The following NTNG1 variants were observed in gnomAD, a reference collection of about 807,000 sequenced individuals.
NTNG1 encodes the protein netrin G1.
Under a neutral mutation model 54.0 loss-of-function variants are expected in NTNG1, and 16 were observed. That is an observed-to-expected ratio of 0.30 (90% CI 0.20 to 0.45). The LOEUF (loss-of-function observed/expected upper bound fraction) is 0.45, where lower values mean the gene tolerates loss of function less well. NTNG1 is among the 20% of genes least tolerant of loss of function. The pLI is 1.00. For synonymous variants in NTNG1, 255 were observed against 263.1 expected (o/e 0.97, Z 0.30); for missense variants, 530 against 678.7 (o/e 0.78, Z 2.43).
At chr1:107,418,686 T>C (rs907561720) in intron 5 of NTNG1, 3 of 1,350,946 alleles carry the variant, frequency 2.2e-6, no homozygotes, top group Non-Finnish European at 3.1e-6. Context: ...AAATCCCACA[T>C]GTTTGGGGGA....
intron 3 of NTNG1, among the ~76,000 whole-genome samples, chr1:107,367,337 A>T (rs1670659056): frequency 6.6e-6 from 1 of 152,128 alleles, no homozygotes; most frequent in African/African-American, 2.4e-5. Context: ...GCAGATTTGA[A>T]ACTCCTCGAT....
chr1:107,405,879 A>C (rs1673385641), intron 4 of NTNG1, among the ~76,000 whole-genome samples: 1 of 152,138 alleles, frequency 6.6e-6, no homozygotes, highest in Non-Finnish European at 1.5e-5. Flanking sequence ...AAAAAAAATA[A>C]AGATTCAGTA....
chr1:107,245,340 C>T (rs1662125367), intron 2 of NTNG1, among the ~76,000 whole-genome samples: 4 of 152,164 alleles, frequency 2.6e-5, no homozygotes, highest in Admixed American at 6.5e-5. Context: ...CTGCAGTTTA[C>T]GTAAGTGTAA....
chr1:107,382,217 A>G (rs550154975), intron 3 of NTNG1, among the ~76,000 whole-genome samples: 48 of 152,252 alleles, frequency 3.2e-4, no homozygotes, highest in African/African-American at 1.2e-3. Flanking sequence ...ATGCAACCTC[A>G]CTACAACTTA....
At chr1:107,178,058 G>A (rs1656780771) in intron 2 of NTNG1, among the ~76,000 whole-genome samples, 1 of 152,098 alleles carries the variant, frequency 6.6e-6, no homozygotes, top group African/African-American at 2.4e-5. Context: ...ACTATTCACA[G>A]TGTTAAGATT....
intron 4 of NTNG1, among the ~76,000 whole-genome samples, chr1:107,403,483 G>C (rs1673181827): frequency 6.6e-6 from 1 of 152,134 alleles, no homozygotes; most frequent in Non-Finnish European, 1.5e-5. Context: ...GATGAGGCAG[G>C]TGGATCACCT....
At chr1:107,211,959 G>GTT (rs1659622588) in intron 2 of NTNG1, among the ~76,000 whole-genome samples, 1 of 152,146 alleles carries the variant, frequency 6.6e-6, no homozygotes, top group South Asian at 2.1e-4. Context: ...CAGCGGTGAA[G>GTT]TTATTCACAT....
intron 2 of NTNG1, among the ~76,000 whole-genome samples, chr1:107,161,752 T>TAA (rs915635616): frequency 6.8e-6 from 1 of 146,990 alleles, no homozygotes. Context: ...TTGTTAGAAT[T>TAA]AAAAAAAAAA....
chr1:107,316,715 A>T (rs1388868378), intron 2 of NTNG1, among the ~76,000 whole-genome samples: 1 of 152,200 alleles, frequency 6.6e-6, no homozygotes, highest in East Asian at 1.9e-4. Flanking sequence ...AAGGACACCT[A>T]ATCCTCTCTT....
At chr1:107,415,383 TC>T (rs1337988627) in intron 5 of NTNG1, among the ~76,000 whole-genome samples, 1 of 152,170 alleles carries the variant, frequency 6.6e-6, no homozygotes, top group African/African-American at 2.4e-5. Flanking sequence ...CATACAGGCA[TC>T]ACCCTTCCAT....
At chr1:107,181,261 G>A (rs1227198571) in intron 2 of NTNG1, among the ~76,000 whole-genome samples, 1 of 152,146 alleles carries the variant, frequency 6.6e-6, no homozygotes, top group African/African-American at 2.4e-5. Context: ...CAATGACAGT[G>A]AGTTCTAAAT....
At chr1:107,379,326 A>T (rs1671499552) in intron 3 of NTNG1, among the ~76,000 whole-genome samples, 1 of 152,234 alleles carries the variant, frequency 6.6e-6, no homozygotes, top group Non-Finnish European at 1.5e-5. Context: ...GTAAAGACCT[A>T]TAAGACTTCC....
chr1:107,472,417 G>A (rs1194230855), intron 7 of NTNG1, among the ~76,000 whole-genome samples: 9 of 152,180 alleles, frequency 5.9e-5, no homozygotes, highest in Admixed American at 5.2e-4. Context: ...CCTGTAACCT[G>A]TAGCCTAACT....
rs1271046220 is a variant in NTNG1 at position 107,407,675 on chromosome 1, T to C, written c.1061-7T>C. 1 of 1,598,312 alleles carries C rather than the reference T, an allele frequency of 6.3e-7. No individual in the cohort carries two copies. The highest frequency in any genetic ancestry group is 1.7e-5 in the Admixed American group (1 of 57,666). On this transcript the variant is annotated splice_region_variant and splice_polypyrimidine_tract_variant and intron_variant, in intron 4 of 7. Coordinates refer to ENST00000370068, the MANE Select transcript of NTNG1 (RefSeq NM_001113226.3). The stretch of plus-strand genomic sequence containing the variant: ...CAGCTTTTCTTTATTGTTTTCTTTT[T>C]CTCCAGGTATCCCCAGTATTTCCAG...
chr1:107,296,643 A>G (rs1252596173), intron 2 of NTNG1, among the ~76,000 whole-genome samples: 1 of 147,796 alleles, frequency 6.8e-6, no homozygotes, highest in Non-Finnish European at 1.5e-5. Flanking sequence ...TATATGAAAT[A>G]TATATTATTT....
chr1:107,275,300 C>T (rs1042985914), intron 2 of NTNG1, among the ~76,000 whole-genome samples: 2 of 152,100 alleles, frequency 1.3e-5, no homozygotes, highest in African/African-American at 4.8e-5. Flanking sequence ...TGGCGTGAAT[C>T]CGGGAGGTGG....
intron 2 of NTNG1, among the ~76,000 whole-genome samples, chr1:107,187,519 A>G (rs1458555369): frequency 6.6e-6 from 1 of 152,198 alleles, no homozygotes; most frequent in Non-Finnish European, 1.5e-5. Context: ...CAAAGAGCAG[A>G]GTAGCTCACC....
At chr1:107,344,074 T>C (rs1273071807) in intron 3 of NTNG1, among the ~76,000 whole-genome samples, 1 of 152,144 alleles carries the variant, frequency 6.6e-6, no homozygotes, top group Non-Finnish European at 1.5e-5. Flanking sequence ...TCTTACATTA[T>C]CTAATTACAT....
intron 6 of NTNG1, among the ~76,000 whole-genome samples, chr1:107,435,373 A>G (rs962727979): frequency 6.6e-5 from 10 of 152,188 alleles, no homozygotes; most frequent in African/African-American, 2.2e-4. Flanking sequence ...CCAGGCAAGG[A>G]GAGAGCATTT....
Sources: allele counts gnomAD v4.1 joint callset (sites outside exome capture counted in the v4.1 genomes callset), GRCh38; gene constraint gnomAD v4.1.1; transcripts MANE v1.5; gene names NCBI Gene and HGNC (gene_info 2026-07-23, HGNC 2026-07-21).